Variants in STAG1 observed in about 807,000 individuals in gnomAD.
STAG1 encodes the protein STAG1 cohesin complex component.
STAG1 carries 26 observed loss-of-function variants against 170.9 expected under a neutral mutation model. The observed-to-expected ratio is 0.15, with a 90% CI of 0.11 to 0.21. The LOEUF is 0.21. Ranked by LOEUF, STAG1 falls within the 10% of genes least tolerant of loss-of-function variation. The pLI, the probability that STAG1 is intolerant of heterozygous loss-of-function variation, is 1.00. For missense variants in STAG1, 964 were observed against 1,509.5 expected, an observed-to-expected ratio of 0.64 and a Z score of 5.99; for synonymous variants, 514 against 497.7, an observed-to-expected ratio of 1.03 and a Z score of -0.44.
At chr3:136,579,511 G>A (rs1576628490) in intron 4 of STAG1, among the ~76,000 whole-genome samples, 1 of 152,212 alleles carries the variant, frequency 6.6e-6, no homozygotes, top group Non-Finnish European at 1.5e-5. Flanking sequence ...TGATTTCCTT[G>A]TGGTTGTATA....
chr3:136,691,903 A>G (rs1405828981), intron 1 of STAG1, among the ~76,000 whole-genome samples: 3 of 152,206 alleles, frequency 2.0e-5, no homozygotes, highest in African/African-American at 7.2e-5. Flanking sequence ...TGAGAGAAAT[A>G]GAAAGGACTT....
intron 21 of STAG1, 70 bp from the exon 22 acceptor site, chr3:136,398,899 CTAAGA>C (rs1413732149): frequency 1.5e-5 from 13 of 864,148 alleles, no homozygotes; most frequent in Non-Finnish European, 2.0e-5. Flanking sequence ...TTGCACCGTG[CTAAGA>C]TAATATTTAT....
intron 3 of STAG1, among the ~76,000 whole-genome samples, chr3:136,620,589 T>C (rs1939797983): frequency 6.6e-6 from 1 of 152,158 alleles, no homozygotes; most frequent in African/African-American, 2.4e-5. Context: ...AGTGTGAGGA[T>C]TAAATAACAT....
chr3:136,383,404 A>G (rs1295152835), intron 22 of STAG1, among the ~76,000 whole-genome samples: 1 of 152,220 alleles, frequency 6.6e-6, no homozygotes, highest in Non-Finnish European at 1.5e-5. Flanking sequence ...ACTGCTTTTT[A>G]ATTTGAAAAA....
At chr3:136,579,215 A>C (rs1937541359) in intron 4 of STAG1, among the ~76,000 whole-genome samples, 1 of 152,190 alleles carries the variant, frequency 6.6e-6, no homozygotes, top group African/African-American at 2.4e-5. Flanking sequence ...CTTTTTCTCC[A>C]ATTAACAAGA....
intron 8 of STAG1, among the ~76,000 whole-genome samples, chr3:136,502,270 T>C (rs959649708): frequency 6.6e-6 from 1 of 151,878 alleles, no homozygotes; most frequent in Non-Finnish European, 1.5e-5. Flanking sequence ...GAGTGCCTTA[T>C]ATACCAGCTA....
intron 5 of STAG1, among the ~76,000 whole-genome samples, chr3:136,544,654 A>C (rs957348929): frequency 6.6e-6 from 1 of 151,838 alleles, no homozygotes; most frequent in Non-Finnish European, 1.5e-5. Flanking sequence ...AATCTCAGCT[A>C]CTCAGGAGGC....
intron 1 of STAG1, among the ~76,000 whole-genome samples, chr3:136,695,401 C>A (rs1381346536): frequency 1.3e-5 from 2 of 150,968 alleles, no homozygotes; most frequent in African/African-American, 2.4e-5. Flanking sequence ...TGCACCACTG[C>A]ACTCCAGCCT....
rs1940921747 is a variant in STAG1, at chr3:136,644,437, C to A, written c.-83-13456G>T. On this transcript the variant is annotated intron_variant, in intron 1 of 33. Coordinates refer to ENST00000383202, the MANE Select transcript of STAG1 (RefSeq NM_005862.3). ...CTTGATTAAATATACTCCAGGGATG[C>A]CTCTGATCAGGTTTCTCCTCTTTAT... Among the ~76,000 whole-genome samples, 4 of 152,268 alleles carry A rather than the reference C, an allele frequency of 2.6e-5. No homozygotes were observed. In the South Asian group the frequency reaches 8.3e-4, roughly 32 times the overall value.
intron 22 of STAG1, among the ~76,000 whole-genome samples, chr3:136,381,503 G>A (rs1937959029): frequency 6.6e-6 from 1 of 152,160 alleles, no homozygotes; most frequent in African/African-American, 2.4e-5. Context: ...GAAGCTGTGG[G>A]TAACCTTGGG....
chr3:136,528,266 T>A (rs1195781417), intron 6 of STAG1, among the ~76,000 whole-genome samples: 6 of 152,168 alleles, frequency 3.9e-5, no homozygotes, highest in Non-Finnish European at 8.8e-5. Context: ...GTTTACCTAC[T>A]CAAGCCTCAG....
At chr3:136,472,134 G>C (rs2089642917) in intron 12 of STAG1, among the ~76,000 whole-genome samples, 1 of 152,094 alleles carries the variant, frequency 6.6e-6, no homozygotes, top group Non-Finnish European at 1.5e-5. Context: ...AACATACTGG[G>C]CCTGCTTTGT....
At chr3:136,687,513 G>T (rs907560381) in intron 1 of STAG1, among the ~76,000 whole-genome samples, 1 of 151,320 alleles carries the variant, frequency 6.6e-6, no homozygotes, top group Non-Finnish European at 1.5e-5. Flanking sequence ...CCAAAAACTC[G>T]ACCTTGAAAA....
At chr3:136,462,781 A>G (rs1323720505) in intron 13 of STAG1, among the ~76,000 whole-genome samples, 3 of 152,206 alleles carry the variant, frequency 2.0e-5, no homozygotes, top group Non-Finnish European at 2.9e-5. Context: ...CATGTACCCT[A>G]TAAATATGCA....
At chr3:136,674,141 AGGAGGGAGGGAGAGAG>A (rs1559943398) in intron 1 of STAG1, among the ~76,000 whole-genome samples, 32 of 44,118 alleles carry the variant, frequency 7.3e-4, no homozygotes, top group African/African-American at 2.9e-3. Flanking sequence ...GAGGGAAGGA[AGGAGGGAGGGAGAGAG>A]GGAGGGAGGG....
chr3:136,403,848 G>T (rs2087406575), intron 21 of STAG1, among the ~76,000 whole-genome samples: 1 of 152,100 alleles, frequency 6.6e-6, no homozygotes, highest in African/African-American at 2.4e-5. Context: ...TTCAAATATA[G>T]AATTTCCATT....
At position 136,521,345 on chromosome 3, in the gene STAG1, T is replaced by C; in HGVS notation, c.544A>G (p.Ile182Val). Residue 182 changes from isoleucine (I) to valine (V), a missense_variant, in exon 7 of 34, where the codon ATT becomes GTT. By Grantham distance (29) the Ile-to-Val change is conservative. Around this residue, in one of 11 missense-constraint regions of STAG1, gnomAD observed 40 missense variants for 44.1 expected, o/e 0.91. Coordinates refer to ENST00000383202, the MANE Select transcript of STAG1 (RefSeq NM_005862.3). ...KKFRSNFCEF[I>V]GVLIRQCQYS... is the part of the protein sequence containing the mutation. ...TGACACTGTCGAATCAGGACTCCAATAAATTCACAAAAGTTTGAACGAAAT... is the reference window on the plus strand; with the variant it reads ...TGACACTGTCGAATCAGGACTCCAACAAATTCACAAAAGTTTGAACGAAAT... The C allele has an allele frequency of 6.2e-7, 1 of 1,613,776 alleles. No homozygotes were observed. The highest frequency in any genetic ancestry group is 1.3e-5 in the African/African-American group (1 of 75,020).
intron 9 of STAG1, among the ~76,000 whole-genome samples, chr3:136,497,493 T>C (rs1274101181): frequency 6.6e-6 from 1 of 152,068 alleles, no homozygotes; most frequent in Non-Finnish European, 1.5e-5. Flanking sequence ...AGAAAAAGAT[T>C]TGACAAAATC....
At chr3:136,608,673 G>A (rs1324526162) in intron 3 of STAG1, among the ~76,000 whole-genome samples, 1 of 150,276 alleles carries the variant, frequency 6.7e-6, no homozygotes, top group Non-Finnish European at 1.5e-5. Context: ...GGGTAGTAGT[G>A]TGTGCCTGTA....
Sources: gnomAD v4.1 joint callset for allele counts (sites outside exome capture counted in the v4.1 genomes callset) on GRCh38, gnomAD v4.1.1 for gene constraint, gnomAD v4.1.1 regional missense constraint, MANE v1.5 for transcripts, NCBI Gene and HGNC (gene_info 2026-07-23, HGNC 2026-07-21) for gene names.